Variants in CDH23 observed in about 807,000 individuals in gnomAD.
CDH23 encodes cadherin-23.
A neutral mutation model predicts 317.1 loss-of-function variants in CDH23; 189 were observed. The ratio of observed to expected loss-of-function variants is 0.60; its 90% CI spans 0.53 to 0.67. The LOEUF (loss-of-function observed/expected upper bound fraction) is 0.67, where lower values mean the gene tolerates loss of function less well. Among genes scored for constraint, CDH23 ranks in the 30% least tolerant of loss-of-function variants. The pLI is 0.00. For missense variants in CDH23, 4,401 were observed against 4,592.4 expected, an observed-to-expected ratio of 0.96 and a Z score of 1.20; for synonymous variants, 1,839 against 1,876.8, an observed-to-expected ratio of 0.98 and a Z score of 0.52.
At position 71,808,786 on chromosome 10, in the gene CDH23, C is replaced by T. The variant is rs142209132; in HGVS notation, c.8722+779C>T. 2.0e-5 allele frequency among the ~76,000 whole-genome samples: 3 copies of T among 152,316 alleles called. No homozygotes were observed. The East Asian group carries it at 5.8e-4, about 29-fold the overall frequency. On this transcript the variant is annotated intron_variant, in intron 60 of 69. Coordinates refer to ENST00000224721, the MANE Select transcript of CDH23 (RefSeq NM_022124.6). The stretch of plus-strand genomic sequence containing the variant: ...CAGTCACCTGCTATCCTTAAGGGCC[C>T]TGTGCCCAGCCTAGCTAAGCTGCTT...
intron 22 of CDH23, among the ~76,000 whole-genome samples, chr10:71,701,811 C>A (rs1865595963): frequency 6.6e-6 from 1 of 152,136 alleles, no homozygotes; most frequent in African/African-American, 2.4e-5. Flanking sequence ...ATACAGACTC[C>A]CCAGCCATTC....
intron 3 of CDH23, among the ~76,000 whole-genome samples, chr10:71,485,015 T>G (rs1047611700): frequency 1.5e-5 from 2 of 137,700 alleles, no homozygotes; most frequent in East Asian, 4.5e-4. Flanking sequence ...TCTTTTCGTT[T>G]CTTTTTTCTT....
intron 14 of CDH23, among the ~76,000 whole-genome samples, chr10:71,648,772 G>A (rs2132604155): frequency 6.6e-6 from 1 of 152,268 alleles, no homozygotes; most frequent in East Asian, 1.9e-4. Context: ...TGAGTCGCTA[G>A]GAACCAGCAG....
At chr10:71,683,279 C>G (rs76589949) in intron 18 of CDH23, among the ~76,000 whole-genome samples, 1 of 152,162 alleles carries the variant, frequency 6.6e-6, no homozygotes, top group Non-Finnish European at 1.5e-5. Flanking sequence ...ACAGCGAACG[C>G]GTGTTGATCG....
intron 4 of CDH23, among the ~76,000 whole-genome samples, chr10:71,510,486 C>T (rs919104829): frequency 1.3e-5 from 2 of 152,120 alleles, no homozygotes; most frequent in Admixed American, 1.3e-4. Flanking sequence ...GTGTTCATCC[C>T]TTGTAGAATG....
rs537188486 is a variant in CDH23, at chr10:71,811,888, C to A, written c.9320-67C>A. ...ATGCCCCGCACCCCATCCTCCCTCACCCCCCAACACCACCCCTACCCCTGG... is the reference window on the plus strand; with the variant it reads ...ATGCCCCGCACCCCATCCTCCCTCAACCCCCAACACCACCCCTACCCCTGG... On this transcript the variant is annotated intron_variant, in intron 65 of 69. Transcript: ENST00000224721. The A allele has an allele frequency of 2.8e-5, 45 of 1,602,516 alleles. No homozygotes were observed. In the South Asian group the frequency reaches 3.0e-4, roughly 11 times the overall value.
At position 71,812,588 on chromosome 10, in the gene CDH23, G is replaced by C. The variant is rs1264452815; in HGVS notation, c.9489G>C (p.Trp3163Cys). ...ACCTGAGTGAGATCGCCGACCTGTG[G>C]AACAGCCCCACGCGCACCCATGTGA... Reference protein sequence around the residue: ...PENLSEIADLWNSPTRTHGTF... With the variant: ...PENLSEIADLCNSPTRTHGTF... Residue 3163 changes from tryptophan to cysteine, a missense_variant, in exon 67 of 70, where the codon TGG becomes TGC. Trp to Cys is a radical substitution (Grantham distance 215). This residue lies in a region of CDH23 where 1,144 missense variants were observed against 1,138.2 expected (regional missense o/e 1.01). Coordinates refer to ENST00000224721, the MANE Select transcript of CDH23 (RefSeq NM_022124.6). The C allele has an allele frequency of 5.0e-6, 8 of 1,613,846 alleles. No homozygotes were observed. Among genetic ancestry groups the C allele is most frequent in the African/African-American group, 1.3e-5 (1 of 74,952 alleles).
chr10:71,555,891 G>A (rs775338731), intron 6 of CDH23, among the ~76,000 whole-genome samples: 2 of 152,204 alleles, frequency 1.3e-5, no homozygotes, highest in African/African-American at 2.4e-5. Context: ...GGGTGAGGGA[G>A]AGGGTGTCTT....
At position 71,793,456 on chromosome 10, in the gene CDH23, C is replaced by A. The variant is rs750539387; in HGVS notation, c.6528C>A (p.Asn2176Lys). The A allele has an allele frequency of 1.2e-6, 2 of 1,614,026 alleles. No individual in the cohort carries two copies. Among genetic ancestry groups the A allele is most frequent in the Non-Finnish European group, 1.7e-6 (2 of 1,179,880 alleles). ...ATGACTCCCGCCCCGAGTTCCTCAA[C>A]CCCATCCAGACAGTGAGCGTGCTGG... ...DINDSRPEFL[N>K]PIQTVSVLES... Residue 2176 changes from asparagine to lysine, a missense_variant, in exon 48 of 70, where the codon AAC becomes AAA. Around this residue, in one of 3 missense-constraint regions of CDH23, gnomAD observed 3,068 missense variants for 3,203.3 expected, o/e 0.96. Transcript: ENST00000224721.
chr10:71,790,457 G>C, intron 46 of CDH23, 44 bp downstream of exon 46: 2 of 1,602,406 alleles, frequency 1.2e-6, no homozygotes, highest in South Asian at 2.2e-5. Context: ...TGATTCTGGG[G>C]TGGGGATGGC....
intron 6 of CDH23, among the ~76,000 whole-genome samples, chr10:71,549,097 T>C (rs190745254): frequency 4.2e-4 from 64 of 152,318 alleles, no homozygotes; most frequent in Middle Eastern, 3.4e-3. Context: ...AATGTGGATA[T>C]GGCCCACTAC....
chr10:71,582,700 C>T (rs1393522607), intron 9 of CDH23, among the ~76,000 whole-genome samples: 1 of 152,164 alleles, frequency 6.6e-6, no homozygotes, highest in Non-Finnish European at 1.5e-5. Context: ...CAGAAGAGCA[C>T]CTGATCTCGT....
In CDH23 at chr10:71,688,626, CCAGGGGTGGTGGAGT is replaced by C. The variant is rs1589335074; in HGVS notation, c.2059+913_2059+927del. Reference sequence around the variant, plus strand: ...GGTGGTGGAGCCAGGGGTGGTGGAGCCAGGGGTGGTGGAGTCAGGGATGATGGAGCCAGGGGTGGT... The same window carrying C: ...GGTGGTGGAGCCAGGGGTGGTGGAGCCAGGGATGATGGAGCCAGGGGTGGT... On this transcript the variant is annotated intron_variant, in intron 19 of 69. Coordinates refer to ENST00000224721, the MANE Select transcript of CDH23 (RefSeq NM_022124.6). 1.6e-4 allele frequency among the ~76,000 whole-genome samples: 16 copies of C among 100,016 alleles called. No homozygotes were observed. In the East Asian group the frequency reaches 2.7e-3, roughly 17 times the overall value. 65.6% of individuals were successfully genotyped at this position (100,016 alleles called of 152,430 possible).
At position 71,813,334 on chromosome 10, in the gene CDH23, TC is replaced by T. The variant is rs767176528; in HGVS notation, c.9726del (p.Ser3243ProfsTer5). 77 of 1,551,582 alleles carry T rather than the reference TC, an allele frequency of 5.0e-5. No individual in the cohort carries two copies. The African/African-American group carries it at 9.4e-4, about 19-fold the overall frequency. On this transcript the variant is annotated frameshift_variant, in exon 69 of 70. Coordinates refer to ENST00000224721, the MANE Select transcript of CDH23 (RefSeq NM_022124.6). LOFTEE classifies it high-confidence loss of function. The stretch of plus-strand genomic sequence containing the variant: ...GGTGCAAAAAGCCTCCTCCTGCCAC[TC>T]CTCCATCTCTGAGGTAGCCGGCTGG... ...RMVQKASSCH[S>X]SISELIQTEL...
intron 6 of CDH23, among the ~76,000 whole-genome samples, chr10:71,513,179 G>A (rs1164187920): frequency 6.6e-6 from 1 of 152,196 alleles, no homozygotes; most frequent in Non-Finnish European, 1.5e-5. Flanking sequence ...AAACATCCCT[G>A]GTTGCTTTAG....
At chr10:71,499,669 G>A (rs1208072018) in intron 3 of CDH23, among the ~76,000 whole-genome samples, 2 of 151,216 alleles carry the variant, frequency 1.3e-5, no homozygotes, top group Non-Finnish European at 2.9e-5. Context: ...GAGAAACCTC[G>A]TCTCTACTAA....
rs182273277 is a variant in CDH23 at position 71,679,510 on chromosome 10, C to G, written c.1858+18C>G. The G allele has an allele frequency of 6.3e-7, 1 of 1,580,378 alleles. No individual in the cohort carries two copies. The highest frequency in any genetic ancestry group is 1.1e-5 in the South Asian group (1 of 87,954). The stretch of plus-strand genomic sequence containing the variant: ...CTATGGAGGTAGGTGTGGGGCAGAA[C>G]TCGGGGCCCAGCCAGGAGGAGGGCT... On this transcript the variant is annotated intron_variant, in intron 17 of 69. Transcript: ENST00000224721.
In CDH23 at chr10:71,809,087, C is replaced by T. The variant is rs560789146; in HGVS notation, c.8723-733C>T. ...GCTAGAAAGTGACAAATTTTGAGCC[C>T]AATCTATTGTCTTTTAAGAGAAGAC... On this transcript the variant is annotated intron_variant, in intron 60 of 69. Transcript: ENST00000224721. Among the ~76,000 whole-genome samples the T allele has an allele frequency of 4.7e-4, 71 of 151,806 alleles. 2 individuals are homozygous for T. In the South Asian group the frequency reaches 0.015, roughly 31 times the overall value.
chr10:71,546,037 C>T (rs1856260706), intron 6 of CDH23, among the ~76,000 whole-genome samples: 1 of 152,100 alleles, frequency 6.6e-6, no homozygotes, highest in Non-Finnish European at 1.5e-5. Context: ...TCCAAGTTTG[C>T]CCATCCAAGG....
Sources: allele counts gnomAD v4.1 joint callset (sites outside exome capture counted in the v4.1 genomes callset), GRCh38; gene constraint gnomAD v4.1.1; regional missense constraint gnomAD v4.1.1; transcripts MANE v1.5; gene names NCBI Gene and HGNC (gene_info 2026-07-23, HGNC 2026-07-21).